The following USP45 variants were observed in gnomAD, a reference collection of about 807,000 sequenced individuals.
The protein encoded by USP45 is ubiquitin carboxyl-terminal hydrolase 45.
Under a neutral mutation model 95.8 loss-of-function variants are expected in USP45, and 89 were observed. The ratio of observed to expected loss-of-function variants is 0.93; its 90% CI spans 0.78 to 1.11. The LOEUF (loss-of-function observed/expected upper bound fraction) is 1.11. Among genes scored for constraint, USP45 ranks in the 50% least tolerant of loss-of-function variants. The probability of loss-of-function intolerance (pLI) is 0.00; values close to 1 mark genes in which losing one functional copy is unlikely to be tolerated. For missense variants in USP45, 898 were observed against 942.5 expected (o/e 0.95, Z 0.62); for synonymous variants, 281 against 316.2 (o/e 0.89, Z 1.18).
chr6:99,433,111 C>T lies in USP45; in HGVS notation c.*2605G>A. ...GGCTCAAGCATCTTCCCCACTCAGC[C>T]TCCCAACAGCATGAGCCACCATGCC... On this transcript the variant is annotated 3_prime_UTR_variant, in exon 18 of 18. Transcript: ENST00000500704. 6.6e-6 allele frequency: 1 copy of T among 152,226 alleles called. No individual in the cohort carries two copies. Among genetic ancestry groups the T allele is most frequent in the African/African-American group, 2.4e-5 (1 of 41,408 alleles). The allele number at this position is 152,226 out of a possible 1,614,324, so 9.4% of individuals were successfully genotyped here.
chr6:99,492,581 G>A (rs1181119267), intron 5 of USP45, among the ~76,000 whole-genome samples: 2 of 150,712 alleles, frequency 1.3e-5, no homozygotes, highest in Non-Finnish European at 3.0e-5. Context: ...TGCAACCTCC[G>A]CCTCCCAGGT....
At chr6:99,448,188 G>A (rs1196448297) in intron 13 of USP45, among the ~76,000 whole-genome samples, 1 of 152,228 alleles carries the variant, frequency 6.6e-6, no homozygotes, top group African/African-American at 2.4e-5. Flanking sequence ...AAAGCTGGAC[G>A]GAGAATGACT....
chr6:99,467,969 T>C (rs1278801515), intron 10 of USP45: 1 of 291,588 alleles, frequency 3.4e-6, no homozygotes, highest in African/African-American at 2.2e-5. Context: ...GGGCAAGGTA[T>C]ATAAACCCTA....
At chr6:99,472,660 T>C (rs961048236) in intron 9 of USP45, among the ~76,000 whole-genome samples, 1 of 152,192 alleles carries the variant, frequency 6.6e-6, no homozygotes, top group Non-Finnish European at 1.5e-5. Flanking sequence ...TGTAGGCCCA[T>C]TTATTGTTCA....
At chr6:99,482,956 C>T (rs2128707997) in intron 7 of USP45, 73 bp from the exon 8 acceptor site, 2 of 1,294,472 alleles carry the variant, frequency 1.5e-6, no homozygotes, top group East Asian at 2.8e-5. Context: ...CTGTGAGTTA[C>T]ACTCTGCTTA....
Position 99,445,992 on chromosome 6 carries a change from G to C in USP45, c.1780C>G (p.His594Asp). The C allele has an allele frequency of 6.2e-7, 1 of 1,613,972 alleles. No individual in the cohort carries two copies. The highest frequency in any genetic ancestry group is 8.5e-7 in the Non-Finnish European group (1 of 1,179,984). ...SNNLCFLEGKHLRSYSPQNAF... is the reference protein window; with the variant it reads ...SNNLCFLEGKDLRSYSPQNAF... ...TTTTGGGGACTATAAGACCTCAAAT[G>C]CTTCCCCTCTAAAAAACATAAATTA... The change falls in exon 14 of 18, where the codon CAT becomes GAT. Residue 594 changes from histidine (H) to aspartate (D), a missense_variant. Coordinates refer to ENST00000500704, the MANE Select transcript of USP45 (RefSeq NM_001346022.3).
intron 16 of USP45, among the ~76,000 whole-genome samples, chr6:99,439,004 T>C (rs532913379): frequency 6.6e-6 from 1 of 152,338 alleles, no homozygotes; most frequent in East Asian, 1.9e-4. Context: ...GAATACTGAG[T>C]ATTAACAATT....
chr6:99,508,731 T>C lies in USP45; in HGVS notation c.152A>G (p.Lys51Arg). Residue 51 changes from lysine (K) to arginine (R), a missense_variant, in exon 3 of 18, where the codon AAG (lysine) becomes AGG (arginine). Coordinates refer to ENST00000500704, the MANE Select transcript of USP45 (RefSeq NM_001346022.3). Reference sequence around the variant, plus strand: ...CCACAGATTCTCAGCTATTGCTCTCTTTACATGATTCACGCTGATAGCATG... The same window carrying C: ...CCACAGATTCTCAGCTATTGCTCTCCTTACATGATTCACGCTGATAGCATG... ...VSHAISVNHV[K>R]RAIAENLWSV... The C allele has an allele frequency of 1.2e-6, 2 of 1,613,706 alleles. No individual in the cohort carries two copies. The highest frequency in any genetic ancestry group is 1.7e-6 in the Non-Finnish European group (2 of 1,179,884).
At chr6:99,448,917 A>G (rs1224750917) in intron 13 of USP45, among the ~76,000 whole-genome samples, 2 of 152,328 alleles carry the variant, frequency 1.3e-5, no homozygotes, top group African/African-American at 4.8e-5. Context: ...ATATCCAGCC[A>G]AACTAAGCTT....
At position 99,511,822 on chromosome 6, in the gene USP45, CACAT is replaced by C. The variant is rs1255993152; in HGVS notation, c.-10-1596_-10-1593del. ...ATATCAATATGTGTGTATAGAGAGACACATATATGTATGTGAGTGTGTGTATATA... is the reference window on the plus strand; with the variant it reads ...ATATCAATATGTGTGTATAGAGAGACATATGTATGTGAGTGTGTGTATATA... On this transcript the variant is annotated intron_variant, in intron 1 of 17. Transcript: ENST00000500704. 3.2e-4 allele frequency among the ~76,000 whole-genome samples: 45 copies of C among 140,078 alleles called. No homozygotes were observed. In the East Asian group the frequency reaches 9.1e-3, roughly 28 times the overall value. 91.9% of individuals were successfully genotyped at this position (140,078 alleles called of 152,430 possible). A position where few individuals can be genotyped will look rare whatever the true frequency, so the allele number is the denominator to read the frequency against.
Position 99,446,207 on chromosome 6 carries a change from G to C in USP45, c.1565C>G (p.Ser522Cys), listed in dbSNP as rs761207949. Residue 522 changes from serine to cysteine, a missense_variant, in exon 14 of 18, where the codon TCC (serine) becomes TGC (cysteine). Transcript: ENST00000500704. The part of the protein sequence containing the change: ...SASKQTGLFR[S>C]SSGSGVQPDG... Reference sequence around the variant, plus strand: ...TGGCTGCACACCGGATCCACTACTGGATCTGAACAGCCCAGTCTGCTTTGA... The same window carrying C: ...TGGCTGCACACCGGATCCACTACTGCATCTGAACAGCCCAGTCTGCTTTGA... 1 of 1,614,132 alleles carries C rather than the reference G, an allele frequency of 6.2e-7. No homozygotes were observed. The highest frequency in any genetic ancestry group is 1.1e-5 in the South Asian group (1 of 91,080).
chr6:99,455,759 A>G (rs531739718), intron 13 of USP45, among the ~76,000 whole-genome samples: 25 of 147,876 alleles, frequency 1.7e-4, no homozygotes, highest in African/African-American at 6.0e-4. Context: ...CATTATGTTA[A>G]GTAAGGCAAG....
rs774806571 is a variant in USP45 at position 99,446,113 on chromosome 6, C to T, written c.1659G>A (p.Lys553=). 23 of 1,613,964 alleles carry T rather than the reference C, an allele frequency of 1.4e-5. No homozygotes were observed. The highest frequency in any genetic ancestry group is 1.7e-5 in the Non-Finnish European group (20 of 1,180,050). Residue 553 remains lysine (K), a synonymous_variant, in exon 14 of 18, where the codon AAG becomes AAA. Coordinates refer to ENST00000500704, the MANE Select transcript of USP45 (RefSeq NM_001346022.3). The part of the protein sequence containing the change: ...LYTKETDSGD[K]EMAEAISELR... ...GTTCAGAAATAGCTTCTGCCATTTC[C>T]TTATCACCACTGTCAGTCTCCTTGG...
chr6:99,441,675 G>C (rs1330635944), intron 15 of USP45, among the ~76,000 whole-genome samples: 1 of 152,066 alleles, frequency 6.6e-6, no homozygotes, highest in East Asian at 1.9e-4. Flanking sequence ...CTACATCTTT[G>C]CTAATTTGGA....
chr6:99,484,498 T>C (rs1793340704), intron 7 of USP45, among the ~76,000 whole-genome samples: 1 of 152,056 alleles, frequency 6.6e-6, no homozygotes, highest in Admixed American at 6.6e-5. Flanking sequence ...AGCTTTTGAA[T>C]GTCAAAAGTG....
intron 9 of USP45, among the ~76,000 whole-genome samples, chr6:99,469,519 C>T (rs1257819094): frequency 1.4e-5 from 2 of 145,970 alleles, no homozygotes; most frequent in African/African-American, 5.1e-5. Context: ...TGTTTTGTTG[C>T]CCAGGCTGGA....
At chr6:99,455,451 AAAC>A (rs148860868) in intron 13 of USP45, among the ~76,000 whole-genome samples, 2,964 of 150,782 alleles carry the variant, frequency 0.02, 50 homozygotes, top group Middle Eastern at 0.059. Context: ...ACTCTGTCTC[AAAC>A]AACAACAACA....
chr6:99,484,569 T>A (rs534258026), intron 7 of USP45, among the ~76,000 whole-genome samples: 2 of 151,998 alleles, frequency 1.3e-5, no homozygotes, highest in East Asian at 3.9e-4. Flanking sequence ...GAGGCCAAGG[T>A]GGAAGGATCA....
At chr6:99,459,092 C>T (rs578021182) in intron 13 of USP45, among the ~76,000 whole-genome samples, 2 of 152,208 alleles carry the variant, frequency 1.3e-5, no homozygotes, top group South Asian at 4.1e-4. Flanking sequence ...CACCCAGGTA[C>T]TAAGCCTAGT....
Sources: gnomAD v4.1 joint callset for allele counts (sites outside exome capture counted in the v4.1 genomes callset) on GRCh38, gnomAD v4.1.1 for gene constraint, MANE v1.5 for transcripts, NCBI Gene and HGNC (gene_info 2026-07-23, HGNC 2026-07-21) for gene names.